C3orf49: variants seen among roughly 807,000 people sequenced by gnomAD.
C3orf49 encodes the protein putative uncharacterized protein C3orf49.
In C3orf49, 27 loss-of-function variants were observed where a neutral mutation model predicts 13.3. The observed-to-expected ratio is 2.02, with a 90% CI of 1.49 to 2.79. The LOEUF is 2.79. Ranked by LOEUF, C3orf49 falls within the 30% of genes most tolerant of loss-of-function variation. The pLI, the probability that C3orf49 is intolerant of heterozygous loss-of-function variation, is 0.00. For synonymous variants in C3orf49, 87 were observed against 47.6 expected (o/e 1.83, Z -3.40); for missense variants, 242 against 134.2 (o/e 1.80, Z -3.97).
the C3orf49 span, among the ~76,000 whole-genome samples, chr3:63,784,086 T>G: frequency 6.6e-6 from 1 of 152,184 alleles, no homozygotes; most frequent in Non-Finnish European, 1.5e-5. Context: ...GAATAGTTAC[T>G]CTCTGTAAAA....
chr3:63,846,012 A>G (rs1701886157), intron 6 of C3orf49: 1 of 181,600 alleles, frequency 5.5e-6, no homozygotes, highest in South Asian at 8.5e-5. Flanking sequence ...GGCATTCAGA[A>G]GCCTCAAAGA....
the C3orf49 span, among the ~76,000 whole-genome samples, chr3:63,811,700 C>T: frequency 1.2e-3 from 183 of 151,566 alleles, no homozygotes; most frequent in Admixed American, 3.9e-3. Context: ...ATAGCAAGAC[C>T]CCTTCTCTAG....
the C3orf49 span, among the ~76,000 whole-genome samples, chr3:63,812,355 T>A: frequency 6.6e-6 from 1 of 152,148 alleles, no homozygotes; most frequent in African/African-American, 2.4e-5. Flanking sequence ...TTGGACCACA[T>A]CCAAAGCCAT....
chr3:63,846,247 T>A (rs1175998532), intron 6 of C3orf49: 2 of 448,098 alleles, frequency 4.5e-6, no homozygotes, highest in Non-Finnish European at 9.0e-6. Context: ...AGTTTCCTTA[T>A]AAGAGAATCG....
At position 63,831,804 on chromosome 3, in the gene C3orf49, G is replaced by A. The variant is rs926214203; in HGVS notation, c.809G>A (p.Arg270Lys). 2.9e-6 allele frequency: 2 copies of A among 701,400 alleles called. No individual in the cohort carries two copies. Among genetic ancestry groups the A allele is most frequent in the East Asian group, 5.4e-5 (2 of 37,292 alleles). The allele number at this position is 701,400 out of a possible 1,614,324, so 43.4% of individuals were successfully genotyped here. ...CTTCAGTCTTCTAAACAGTTCCAGA[G>A]GATATCCAAGAGAACCATGAGGAAG... Reference protein sequence around the residue: ...EILQSSKQFQRISKRTMRKYK... With the variant: ...EILQSSKQFQKISKRTMRKYK... Residue 270 changes from arginine (R) to lysine (K), a missense_variant, in exon 5 of 7, where the codon AGG becomes AAG. Coordinates refer to ENST00000295896, the MANE Select transcript of C3orf49 (RefSeq NM_001355236.2).
the C3orf49 span, chr3:63,782,754 G>C: frequency 2.0e-5 from 3 of 152,212 alleles, no homozygotes; most frequent in African/African-American, 7.2e-5. Flanking sequence ...CAGGAACTTA[G>C]AAAAGTCTGC....
At chr3:63,838,594 A>G in intron 5 of C3orf49, 1 of 1,239,450 alleles carries the variant, frequency 8.1e-7, no homozygotes, top group Admixed American at 2.7e-5. Flanking sequence ...ATTAAATTAT[A>G]GCAAGTTCTG....
chr3:63,786,505 C>T, the C3orf49 span, among the ~76,000 whole-genome samples: 2 of 151,922 alleles, frequency 1.3e-5, no homozygotes, highest in African/African-American at 4.8e-5. Context: ...TGTTTGTTTG[C>T]TTGTTGATGG....
At chr3:63,805,507 T>G in the C3orf49 span, among the ~76,000 whole-genome samples, 1 of 152,244 alleles carries the variant, frequency 6.6e-6, no homozygotes, top group Non-Finnish European at 1.5e-5. Context: ...ACAAGACTTC[T>G]GGGTCAGAGA....
chr3:63,793,663 T>C, the C3orf49 span, among the ~76,000 whole-genome samples: 2 of 152,166 alleles, frequency 1.3e-5, no homozygotes, highest in Non-Finnish European at 2.9e-5. Context: ...AATTGCAAAC[T>C]ATTCCTCTAT....
At chr3:63,794,352 T>A in the C3orf49 span, among the ~76,000 whole-genome samples, 1 of 151,540 alleles carries the variant, frequency 6.6e-6, no homozygotes, top group African/African-American at 2.4e-5. Flanking sequence ...CTTCAACAAC[T>A]GTTGTCACTA....
the C3orf49 span, chr3:63,786,154 A>C: frequency 6.6e-6 from 1 of 152,080 alleles, no homozygotes; most frequent in African/African-American, 2.4e-5. Flanking sequence ...CATCTCTAAA[A>C]ACCAGGCGTG....
intron 5 of C3orf49, among the ~76,000 whole-genome samples, chr3:63,841,854 A>T (rs976256088): frequency 3.3e-4 from 51 of 152,292 alleles, no homozygotes; most frequent in African/African-American, 1.2e-3. Flanking sequence ...CTAGTGGGTG[A>T]ATCTGGTGGC....
At chr3:63,835,412 T>C in intron 5 of C3orf49, 1 of 1,610,346 alleles carries the variant, frequency 6.2e-7, no homozygotes, top group Non-Finnish European at 8.5e-7. Flanking sequence ...AAAACAGTGT[T>C]ACATTTTGCT....
the C3orf49 span, among the ~76,000 whole-genome samples, chr3:63,782,159 C>G: frequency 6.6e-6 from 1 of 152,130 alleles, no homozygotes; most frequent in Non-Finnish European, 1.5e-5. Flanking sequence ...GAGAGATAAT[C>G]CAACATAAGT....
chr3:63,790,436 A>G, the C3orf49 span, among the ~76,000 whole-genome samples: 3 of 152,220 alleles, frequency 2.0e-5, no homozygotes, highest in Non-Finnish European at 4.4e-5. Flanking sequence ...TGGCTATACA[A>G]TAGAACCACC....
At chr3:63,835,257 C>A (rs1701605876) in intron 5 of C3orf49, 1 of 1,611,608 alleles carries the variant, frequency 6.2e-7, no homozygotes. Context: ...ATACAAATGA[C>A]CTGTATATAT....
chr3:63,838,510 A>G (rs766411450), intron 5 of C3orf49: 3 of 1,578,708 alleles, frequency 1.9e-6, no homozygotes, highest in Admixed American at 2.0e-5. Context: ...CTAATGAAAA[A>G]GAAAGAAAAC....
chr3:63,796,296 C>T, the C3orf49 span, among the ~76,000 whole-genome samples: 2 of 152,120 alleles, frequency 1.3e-5, no homozygotes, highest in African/African-American at 4.8e-5. Context: ...CTTTTTCACA[C>T]ACAAGATAGT....
Sources: allele counts gnomAD v4.1 joint callset (sites outside exome capture counted in the v4.1 genomes callset), GRCh38; gene constraint gnomAD v4.1.1; transcripts MANE v1.5; gene names NCBI Gene and HGNC (gene_info 2026-07-23, HGNC 2026-07-21).